The following GRIA2 variants were observed in gnomAD, a reference collection of about 807,000 sequenced individuals.
GRIA2 encodes glutamate ionotropic receptor AMPA type subunit 2, also known as glutamate receptor 2.
A neutral mutation model predicts 97.3 loss-of-function variants in GRIA2; 14 were observed. The observed-to-expected ratio is 0.14, with a 90% confidence interval of 0.10 to 0.23. The LOEUF (loss-of-function observed/expected upper bound fraction) is 0.23. GRIA2 is among the 10% of genes least tolerant of loss of function. The pLI, the probability that GRIA2 is intolerant of heterozygous loss-of-function variation, is 1.00. For missense variants in GRIA2, 558 were observed against 1,069.8 expected (o/e 0.52, Z 6.67); for synonymous variants, 412 against 387.8 (o/e 1.06, Z -0.73).
chr4:157,347,490 G>T (rs1023956709), intron 12 of GRIA2, among the ~76,000 whole-genome samples: 29 of 152,226 alleles, frequency 1.9e-4, no homozygotes, highest in African/African-American at 6.7e-4. Flanking sequence ...TAGAAGGAAA[G>T]GTTAAAACAA....
chr4:157,252,781 A>C (rs1261137174), intron 2 of GRIA2, among the ~76,000 whole-genome samples: 1 of 152,072 alleles, frequency 6.6e-6, no homozygotes, highest in Admixed American at 6.6e-5. Flanking sequence ...ATTATAGATA[A>C]CCCTTAAGAC....
rs1422180605 is a variant in GRIA2 at position 157,275,292 on chromosome 4, C to A, written c.230-28260C>A. Among the ~76,000 whole-genome samples the A allele has an allele frequency of 3.3e-5, 5 of 152,206 alleles. No homozygotes were observed. The East Asian group carries it at 9.6e-4, about 29-fold the overall frequency. ...AGCCCTTTGTCAGATGAGTAGGTTGCAAAAATTTTCTCCCATTCTGTAGGC... is the reference window on the plus strand; with the variant it reads ...AGCCCTTTGTCAGATGAGTAGGTTGAAAAAATTTTCTCCCATTCTGTAGGC... On this transcript the variant is annotated intron_variant, in intron 2 of 15. Coordinates refer to ENST00000264426, the MANE Select transcript of GRIA2 (RefSeq NM_001083619.3).
chr4:157,361,518 A>G lies in GRIA2; in HGVS notation c.2406+394A>G, dbSNP rs758335272. ...TAAAATAACATTGATAATGTTATTT[A>G]TGTTATTTTCCACGTGAAGAACCCC... is the stretch of plus-strand genomic sequence containing the variant. On this transcript the variant is annotated intron_variant, in intron 14 of 15. Transcript: ENST00000264426. This position sits in a 1 kb window ranked among gnomAD's most constrained non-coding sequence, Gnocchi z 5.2. The G allele has an allele frequency of 7.0e-7, 1 of 1,420,976 alleles. No homozygotes were observed. The highest frequency in any genetic ancestry group is 1.0e-6 in the Non-Finnish European group (1 of 1,004,574). 88.0% of individuals were successfully genotyped at this position (1,420,976 alleles called of 1,614,324 possible). A position where few individuals can be genotyped will look rare whatever the true frequency, so the allele number is the denominator to read the frequency against.
chr4:157,284,246 T>C (rs1732736641), intron 2 of GRIA2, among the ~76,000 whole-genome samples: 1 of 151,806 alleles, frequency 6.6e-6, no homozygotes, highest in African/African-American at 2.4e-5. Context: ...ATTTATTTCT[T>C]AACACAGCTT....
intron 2 of GRIA2, among the ~76,000 whole-genome samples, chr4:157,276,662 G>T (rs1030236698): frequency 6.6e-6 from 1 of 151,672 alleles, no homozygotes; most frequent in Admixed American, 6.6e-5. Context: ...GAGAAAAAAA[G>T]ATAGATGATA....
intron 2 of GRIA2, among the ~76,000 whole-genome samples, chr4:157,254,071 A>T (rs1046130427): frequency 1.3e-5 from 2 of 151,872 alleles, no homozygotes; most frequent in African/African-American, 4.8e-5. Context: ...TAAAAATGAG[A>T]GACATTAATG....
At chr4:157,287,393 T>G (rs1732891521) in intron 2 of GRIA2, among the ~76,000 whole-genome samples, 1 of 151,726 alleles carries the variant, frequency 6.6e-6, no homozygotes, top group Non-Finnish European at 1.5e-5. Context: ...CATTATTTTG[T>G]GTGTGGGAGT....
intron 2 of GRIA2, among the ~76,000 whole-genome samples, chr4:157,258,025 T>C (rs960951495): frequency 1.3e-5 from 2 of 152,138 alleles, no homozygotes; most frequent in African/African-American, 4.8e-5. Flanking sequence ...TAATTTCCTA[T>C]GCCTGTCTTT....
At chr4:157,358,297 A>G (rs1736480471) in intron 12 of GRIA2, among the ~76,000 whole-genome samples, 1 of 152,206 alleles carries the variant, frequency 6.6e-6, no homozygotes, top group Admixed American at 6.6e-5. Flanking sequence ...ACTAAATCAC[A>G]AAATAGCTAA....
At chr4:157,347,926 C>A (rs1024891487) in intron 12 of GRIA2, among the ~76,000 whole-genome samples, 2 of 152,058 alleles carry the variant, frequency 1.3e-5, no homozygotes, top group African/African-American at 2.4e-5. Flanking sequence ...GAGATTGAGA[C>A]CATCCTGGCC....
intron 2 of GRIA2, among the ~76,000 whole-genome samples, chr4:157,261,430 G>A (rs1252433779): frequency 6.6e-6 from 1 of 151,860 alleles, no homozygotes; most frequent in Admixed American, 6.6e-5. Flanking sequence ...GATATATTTG[G>A]CATCTAATAT....
At chr4:157,295,336 G>T (rs757736988) in intron 2 of GRIA2, among the ~76,000 whole-genome samples, 6 of 152,046 alleles carry the variant, frequency 3.9e-5, no homozygotes, top group Non-Finnish European at 8.8e-5. Context: ...AGATCAAAAC[G>T]TATGCAAAAG....
chr4:157,310,057 G>A (rs1357023064), intron 3 of GRIA2, among the ~76,000 whole-genome samples: 1 of 152,184 alleles, frequency 6.6e-6, no homozygotes, highest in Non-Finnish European at 1.5e-5. Context: ...CTTACTTGCA[G>A]AGAAAAGTGG....
intron 2 of GRIA2, among the ~76,000 whole-genome samples, chr4:157,256,954 G>A (rs1161310349): frequency 6.6e-6 from 1 of 151,922 alleles, no homozygotes; most frequent in African/African-American, 2.4e-5. Context: ...TTAAATTACA[G>A]GTCATTGTGA....
intron 12 of GRIA2, among the ~76,000 whole-genome samples, chr4:157,352,718 T>TAA (rs571562254): frequency 0.081 from 7,450 of 92,492 alleles, 394 homozygotes; most frequent in Middle Eastern, 0.13. Flanking sequence ...AGACTCCATC[T>TAA]AAAAAAAAAA....
At chr4:157,341,725 A>G (rs919352659) in intron 12 of GRIA2, among the ~76,000 whole-genome samples, 4 of 152,192 alleles carry the variant, frequency 2.6e-5, no homozygotes, top group African/African-American at 9.6e-5. Context: ...TCCTTTTGGA[A>G]CAAAATTGAA....
intron 1 of GRIA2, 55 bp from the exon 2 acceptor site, chr4:157,221,612 C>G: frequency 6.3e-7 from 1 of 1,583,586 alleles, no homozygotes; most frequent in Non-Finnish European, 8.6e-7. Flanking sequence ...CGCGCCCCTC[C>G]TTTCCCTCCC....
At chr4:157,294,555 G>A (rs1045145533) in intron 2 of GRIA2, among the ~76,000 whole-genome samples, 2 of 152,050 alleles carry the variant, frequency 1.3e-5, no homozygotes, top group African/African-American at 2.4e-5. Context: ...GAAAGAAAAA[G>A]TAATAAAACA....
At chr4:157,247,830 G>C (rs1701158038) in intron 2 of GRIA2, among the ~76,000 whole-genome samples, 1 of 152,070 alleles carries the variant, frequency 6.6e-6, no homozygotes, top group Non-Finnish European at 1.5e-5. Flanking sequence ...AGTTAGTGAG[G>C]CAGGTGCAGG....
Sources: allele counts gnomAD v4.1 joint callset (sites outside exome capture counted in the v4.1 genomes callset), GRCh38; gene constraint gnomAD v4.1.1; non-coding constraint Gnocchi (gnomAD v3.1); transcripts MANE v1.5; gene names NCBI Gene and HGNC (gene_info 2026-07-23, HGNC 2026-07-21).